RET: variants seen among roughly 807,000 people sequenced by gnomAD.
The protein encoded by RET is ret proto-oncogene, also known as proto-oncogene tyrosine-protein kinase receptor Ret.
In RET, 19 loss-of-function variants were observed where a neutral mutation model predicts 118.3. The ratio of observed to expected loss-of-function variants is 0.16; its 90% CI spans 0.11 to 0.24. The LOEUF (loss-of-function observed/expected upper bound fraction) is 0.24, where lower values mean the gene tolerates loss of function less well. Among genes scored for constraint, RET ranks in the 10% least tolerant of loss-of-function variants. RET has a pLI of 1.00. For missense variants in RET, 1,219 were observed against 1,502.1 expected, an observed-to-expected ratio of 0.81 and a Z score of 3.12; for synonymous variants, 597 against 644.1, an observed-to-expected ratio of 0.93 and a Z score of 1.11.
rs752322996 is a variant in RET, at chr10:43,111,391, A to G, written c.1448A>G (p.Tyr483Cys). The G allele has an allele frequency of 8.7e-6, 14 of 1,613,842 alleles. No individual in the cohort carries two copies. In the Middle Eastern group the frequency reaches 4.9e-4, roughly 57 times the overall value. ...LRRPKCAELH[Y>C]MVVATDQQTS... ...CGGCCCAAGTGTGCCGAACTTCACT[A>G]CATGGTGGTGGCCACCGACCAGCAG... The change falls in exon 7 of 20, where the codon TAC (tyrosine) becomes TGC (cysteine). Residue 483 changes from tyrosine to cysteine, a missense_variant. This residue lies in a region of RET where 850 missense variants were observed against 969.6 expected (regional missense o/e 0.88). Coordinates refer to ENST00000355710, the MANE Select transcript of RET (RefSeq NM_020975.6).
At chr10:43,089,245 C>T (rs1251242842) in intron 1 of RET, among the ~76,000 whole-genome samples, 5 of 152,254 alleles carry the variant, frequency 3.3e-5, no homozygotes, top group Non-Finnish European at 7.3e-5. Flanking sequence ...GTCAGCTCTC[C>T]TGACGTCCCT....
chr10:43,080,690 T>C (rs1008881245), intron 1 of RET, among the ~76,000 whole-genome samples: 3 of 152,218 alleles, frequency 2.0e-5, no homozygotes, highest in African/African-American at 7.2e-5. Flanking sequence ...CCCAGAGTAA[T>C]GTGTGGCACC....
At chr10:43,117,116 G>A (rs542699481) in intron 12 of RET, among the ~76,000 whole-genome samples, 188 of 152,172 alleles carry the variant, frequency 1.2e-3, no homozygotes, top group Non-Finnish European at 2.0e-3. Flanking sequence ...GACCCCCATG[G>A]GCCTGTCTGG....
Position 43,106,571 on chromosome 10 carries a change from A to G in RET, c.1063A>G (p.Arg355Gly), listed in dbSNP as rs145402131. ...SFVRATVHDY[R>G]LVLNRNLSIS... ...CGTGCGGGCGACCGTACATGACTAT[A>G]GTAAGAGGGGCTGGTGGCACGGCCT... Residue 355 changes from arginine (R) to glycine (G), a missense_variant and splice_region_variant, in exon 5 of 20, where the codon AGG (arginine) becomes GGG (glycine). Transcript: ENST00000355710. This position sits in a 1 kb window ranked among gnomAD's most constrained non-coding sequence, Gnocchi z 5.1. 5.0e-6 allele frequency: 8 copies of G among 1,613,162 alleles called. No individual in the cohort carries two copies. The African/African-American group carries it at 6.7e-5, about 13-fold the overall frequency.
chr10:43,090,439 G>A (rs142328171), intron 1 of RET, among the ~76,000 whole-genome samples: 181 of 152,206 alleles, frequency 1.2e-3, no homozygotes, highest in Middle Eastern at 6.8e-3. Context: ...AGACTGGGCC[G>A]CTTCTGGGCG....
At chr10:43,087,614 G>A (rs1022386672) in intron 1 of RET, among the ~76,000 whole-genome samples, 21 of 152,186 alleles carry the variant, frequency 1.4e-4, no homozygotes, top group African/African-American at 4.8e-4. Context: ...AGGAACCAGG[G>A]GCTGATGCAG....
At chr10:43,117,309 GGGGCTGCACAGCACA>G (rs1392458303) in intron 12 of RET, among the ~76,000 whole-genome samples, 1 of 152,250 alleles carries the variant, frequency 6.6e-6, no homozygotes, top group Non-Finnish European at 1.5e-5. Flanking sequence ...GCAGTAGTCG[GGGGCTGCACAGCACA>G]GGGTGCTTCC....
In RET at chr10:43,114,793, G is replaced by T; in HGVS notation, c.2136+57G>T. On this transcript the variant is annotated intron_variant, in intron 11 of 19. Transcript: ENST00000355710. This position sits in a 1 kb window ranked among gnomAD's most constrained non-coding sequence, Gnocchi z 4.6. ...CTGCCCTCCCCAGCTGCCTTCCAGGGAGGGAGGCCAGCTGGGGAGACAGAG... is the reference window on the plus strand; with the variant it reads ...CTGCCCTCCCCAGCTGCCTTCCAGGTAGGGAGGCCAGCTGGGGAGACAGAG... 1 of 1,542,100 alleles carries T rather than the reference G, an allele frequency of 6.5e-7. No individual in the cohort carries two copies.
intron 11 of RET, among the ~76,000 whole-genome samples, chr10:43,115,837 G>A (rs540335878): frequency 4.6e-5 from 7 of 152,364 alleles, no homozygotes; most frequent in South Asian, 2.1e-4. Flanking sequence ...AGGTGACAGC[G>A]GCAGGGAAGC....
rs2132499737 is a variant in RET, at chr10:43,077,345, G to A, written c.73+14G>A. 2.7e-6 allele frequency: 4 copies of A among 1,505,676 alleles called. No individual in the cohort carries two copies. The highest frequency in any genetic ancestry group is 2.6e-6 in the Non-Finnish European group (3 of 1,132,568). The allele number at this position is 1,505,676 out of a possible 1,614,324, so 93.3% of individuals were successfully genotyped here. The stretch of plus-strand genomic sequence containing the variant: ...TGCTAGGCAAAGGTGAGTTCTGCCG[G>A]CCGCCGGCTCCCGCAGGGGCCAGGG... On this transcript the variant is annotated intron_variant, in intron 1 of 19. Coordinates refer to ENST00000355710, the MANE Select transcript of RET (RefSeq NM_020975.6).
chr10:43,092,263 A>G (rs1837427061), intron 1 of RET, among the ~76,000 whole-genome samples: 1 of 152,254 alleles, frequency 6.6e-6, no homozygotes, highest in Non-Finnish European at 1.5e-5. Context: ...AGGTCCCTGC[A>G]GTCGTCAAAT....
chr10:43,106,650 A>T lies in RET; in HGVS notation c.1063+79A>T. Reference sequence around the variant, plus strand: ...GCTCTTCATGGGCAAGCAGCACCCTACACACATGCACACCTGGCATGGCCC... The same window carrying T: ...GCTCTTCATGGGCAAGCAGCACCCTTCACACATGCACACCTGGCATGGCCC... On this transcript the variant is annotated intron_variant, in intron 5 of 19. Transcript: ENST00000355710. This position sits in a 1 kb window ranked among gnomAD's most constrained non-coding sequence, Gnocchi z 5.1. 1 of 1,395,994 alleles carries T rather than the reference A, an allele frequency of 7.2e-7. No homozygotes were observed. The highest frequency in any genetic ancestry group is 1.2e-5 in the South Asian group (1 of 81,536). The allele number at this position is 1,395,994 out of a possible 1,614,324, so 86.5% of individuals were successfully genotyped here. A position where few individuals can be genotyped will look rare whatever the true frequency, so the allele number is the denominator to read the frequency against.
intron 16 of RET, among the ~76,000 whole-genome samples, chr10:43,122,416 A>G (rs552424770): frequency 6.2e-4 from 95 of 152,192 alleles, no homozygotes; most frequent in African/African-American, 2.1e-3. Flanking sequence ...GCCCCCACCC[A>G]CAAGTGGAGC....
At chr10:43,090,527 T>G (rs954625684) in intron 1 of RET, among the ~76,000 whole-genome samples, 4 of 152,076 alleles carry the variant, frequency 2.6e-5, no homozygotes, top group Non-Finnish European at 5.9e-5. Context: ...CTTGTCCTCC[T>G]GGGGGCTCAG....
chr10:43,096,264 C>T (rs1837521424), intron 1 of RET, among the ~76,000 whole-genome samples: 1 of 152,162 alleles, frequency 6.6e-6, no homozygotes. Context: ...CCAGGCGGCC[C>T]TTCTAGGCAG....
At chr10:43,107,592 C>CACAA (rs10583725) in intron 5 of RET, among the ~76,000 whole-genome samples, 1 of 151,380 alleles carries the variant, frequency 6.6e-6, no homozygotes, top group Non-Finnish European at 1.5e-5. Context: ...CACACACACA[C>CACAA]ACACACACAC....
At chr10:43,125,630 A>G (rs1838312828) in intron 18 of RET, among the ~76,000 whole-genome samples, 1 of 152,158 alleles carries the variant, frequency 6.6e-6, no homozygotes, top group African/African-American at 2.4e-5. Flanking sequence ...CACATTTTCA[A>G]CCAATATTCA....
Position 43,106,098 on chromosome 10 carries a change from G to C in RET, c.868-278G>C, listed in dbSNP as rs529328773. On this transcript the variant is annotated intron_variant, in intron 4 of 19. Coordinates refer to ENST00000355710, the MANE Select transcript of RET (RefSeq NM_020975.6). The surrounding 1 kb of genome is among the most constrained non-coding windows in gnomAD (Gnocchi z 5.1). ...GACCTGGATGGGACCTGCCAGCAGG[G>C]TGCCTGGGCATCGGCTGTAATTCTC... Among the ~76,000 whole-genome samples, 1 of 152,218 alleles carries C rather than the reference G, an allele frequency of 6.6e-6. No individual in the cohort carries two copies. The highest frequency in any genetic ancestry group is 2.4e-5 in the African/African-American group (1 of 41,454).
rs1161037739 is a variant in RET, at chr10:43,104,807, C to T, written c.626-145C>T. On this transcript the variant is annotated intron_variant, in intron 3 of 19. Coordinates refer to ENST00000355710, the MANE Select transcript of RET (RefSeq NM_020975.6). ...CTGCAAACTCGTGCTCCGAGCGCTG[C>T]CCTCCCCTGTGGAGCGGAGGAGGGG... is the stretch of plus-strand genomic sequence containing the variant. 9 of 1,250,462 alleles carry T rather than the reference C, an allele frequency of 7.2e-6. No homozygotes were observed. In the Admixed American group the frequency reaches 1.2e-4, roughly 17 times the overall value. The allele number at this position is 1,250,462 out of a possible 1,614,324, so 77.5% of individuals were successfully genotyped here. A position where few individuals can be genotyped will look rare whatever the true frequency, so the allele number is the denominator to read the frequency against.
Sources: gnomAD v4.1 joint callset for allele counts (sites outside exome capture counted in the v4.1 genomes callset) on GRCh38, gnomAD v4.1.1 for gene constraint, gnomAD v4.1.1 regional missense constraint, Gnocchi (gnomAD v3.1) non-coding constraint, MANE v1.5 for transcripts, NCBI Gene and HGNC (gene_info 2026-07-23, HGNC 2026-07-21) for gene names.